Variants in SERAC1 observed in about 807,000 individuals in gnomAD.
SERAC1 encodes the protein protein SERAC1.
Under a neutral mutation model 85.7 loss-of-function variants are expected in SERAC1, and 36 were observed. That is an observed-to-expected ratio of 0.42 (90% CI 0.32 to 0.55). The LOEUF (loss-of-function observed/expected upper bound fraction) is 0.55, where lower values mean the gene tolerates loss of function less well. Among genes scored for constraint, SERAC1 ranks in the 20% least tolerant of loss-of-function variants. SERAC1 has a pLI of 0.11. For missense variants in SERAC1, 629 were observed against 796.2 expected, an observed-to-expected ratio of 0.79 and a Z score of 2.53; for synonymous variants, 242 against 265.3, an observed-to-expected ratio of 0.91 and a Z score of 0.85.
chr6:158,117,974 C>A lies in SERAC1; in HGVS notation c.1309-153G>T, dbSNP rs1784331928. ...GAAGGTACCGTAAAAACAATTCCAGCACTATCTTTTCAAGTCTCTGGTCTC... is the reference window on the plus strand; with the variant it reads ...GAAGGTACCGTAAAAACAATTCCAGAACTATCTTTTCAAGTCTCTGGTCTC... On this transcript the variant is annotated intron_variant, in intron 12 of 16. Transcript: ENST00000647468. This position sits in a 1 kb window ranked among gnomAD's most constrained non-coding sequence, Gnocchi z 4.3. Among the ~76,000 whole-genome samples the A allele has an allele frequency of 6.6e-6, 1 of 152,152 alleles. No homozygotes were observed. The highest frequency in any genetic ancestry group is 1.5e-5 in the Non-Finnish European group (1 of 68,034).
chr6:158,111,636 C>T (rs1471799601), intron 16 of SERAC1, 134 bp from the exon 17 acceptor site: 1 of 614,524 alleles, frequency 1.6e-6, no homozygotes, highest in Non-Finnish European at 2.6e-6. Context: ...GATAAAGGAA[C>T]CTGAAGTTTG....
intron 1 of SERAC1, among the ~76,000 whole-genome samples, chr6:158,159,607 T>C (rs1304367274): frequency 6.6e-6 from 1 of 151,420 alleles, no homozygotes; most frequent in African/African-American, 2.4e-5. Flanking sequence ...TTTCCAAATA[T>C]ATAAAACTTT....
rs1161143666 is a variant in SERAC1, at chr6:158,128,863, T to C, written c.853-593A>G. ...TTGAAGTTTTAATGGAGAAAACAGATAAAAGAAAAAGAAAACATGCATATT... is the reference window on the plus strand; with the variant it reads ...TTGAAGTTTTAATGGAGAAAACAGACAAAAGAAAAAGAAAACATGCATATT... On this transcript the variant is annotated intron_variant, in intron 9 of 16. Transcript: ENST00000647468. Among the ~76,000 whole-genome samples the C allele has an allele frequency of 2.0e-5, 3 of 152,072 alleles. No individual in the cohort carries two copies. The East Asian group carries it at 5.8e-4, about 29-fold the overall frequency.
chr6:158,152,953 A>G (rs1785241871), intron 3 of SERAC1: 2 of 152,160 alleles, frequency 1.3e-5, no homozygotes, highest in African/African-American at 4.8e-5. Flanking sequence ...CTGTATATAT[A>G]CATATACATG....
chr6:158,121,839 G>A (rs991206772), intron 10 of SERAC1, among the ~76,000 whole-genome samples: 3 of 152,020 alleles, frequency 2.0e-5, no homozygotes, highest in African/African-American at 7.2e-5. Context: ...AGCCATCTCT[G>A]GCTTTTTTCA....
chr6:158,117,348 A>G lies in SERAC1; in HGVS notation c.1403+379T>C. ...GGCACAGATGACATACAAGGGAAAT[A>G]GCAGCTGATATTTCTCAGCATCTTT... On this transcript the variant is annotated intron_variant, in intron 13 of 16. Coordinates refer to ENST00000647468, the MANE Select transcript of SERAC1 (RefSeq NM_032861.4). This position sits in a 1 kb window ranked among gnomAD's most constrained non-coding sequence, Gnocchi z 4.3. The G allele has an allele frequency of 1.6e-6, 1 of 644,024 alleles. No individual in the cohort carries two copies. The highest frequency in any genetic ancestry group is 2.1e-5 in the South Asian group (1 of 48,012). 39.9% of individuals were successfully genotyped at this position (644,024 alleles called of 1,614,324 possible).
intron 1 of SERAC1, among the ~76,000 whole-genome samples, chr6:158,164,271 C>G (rs140023307): frequency 1.3e-5 from 2 of 151,572 alleles, no homozygotes; most frequent in Non-Finnish European, 1.5e-5. Flanking sequence ...GTCAGGAGAT[C>G]GAGACCAGCC....
chr6:158,146,915 T>C lies in SERAC1; in HGVS notation c.356-2A>G. 2 of 1,611,716 alleles carry C rather than the reference T, an allele frequency of 1.2e-6. No individual in the cohort carries two copies. Among genetic ancestry groups the C allele is most frequent in the Non-Finnish European group, 1.7e-6 (2 of 1,178,970 alleles). On this transcript the variant is annotated splice_acceptor_variant, in intron 5 of 16. Transcript: ENST00000647468. LOFTEE classifies it high-confidence loss of function. ...CTATATCAACTGTACTAAAAGGATCTTTGCAAAAAGAAAAAGCCAAGACAA... is the reference window on the plus strand; with the variant it reads ...CTATATCAACTGTACTAAAAGGATCCTTGCAAAAAGAAAAAGCCAAGACAA...
intron 14 of SERAC1, among the ~76,000 whole-genome samples, chr6:158,115,957 T>C (rs1270147276): frequency 6.6e-6 from 1 of 152,248 alleles, no homozygotes; most frequent in Non-Finnish European, 1.5e-5. Context: ...CAAACCCATA[T>C]CCCTCTTAGA....
chr6:158,133,640 C>T (rs905899500), intron 8 of SERAC1, among the ~76,000 whole-genome samples: 42 of 152,194 alleles, frequency 2.8e-4, no homozygotes, highest in African/African-American at 9.9e-4. Flanking sequence ...CCGCCTCGGC[C>T]TCCCAAAGTG....
rs142136257 is a variant in SERAC1 at position 158,117,608 on chromosome 6, C to A, written c.1403+119G>T. 1.3e-3 allele frequency: 2,042 copies of A among 1,566,166 alleles called. 25 individuals are homozygous for A. The African/African-American group carries it at 0.024, about 19-fold the overall frequency. ...GAAGACAAAAAAGATTAGGTTTGTTCTTCATAAGAAAATCCTGTCTGTGGC... is the reference window on the plus strand; with the variant it reads ...GAAGACAAAAAAGATTAGGTTTGTTATTCATAAGAAAATCCTGTCTGTGGC... On this transcript the variant is annotated intron_variant, in intron 13 of 16. Coordinates refer to ENST00000647468, the MANE Select transcript of SERAC1 (RefSeq NM_032861.4). This position sits in a 1 kb window ranked among gnomAD's most constrained non-coding sequence, Gnocchi z 4.3.
At chr6:158,123,082 G>GA (rs1381307170) in intron 10 of SERAC1, among the ~76,000 whole-genome samples, 7 of 152,112 alleles carry the variant, frequency 4.6e-5, no homozygotes, top group East Asian at 1.9e-4. Context: ...TGCCTAAAGA[G>GA]AAAAAAACAC....
rs541957474 is a variant in SERAC1, at chr6:158,110,755, T to C, written c.*611A>G. On this transcript the variant is annotated 3_prime_UTR_variant, in exon 17 of 17. Transcript: ENST00000647468. ...GAATTATTATAAGCTAGAATTTTTC[T>C]AAGAAAAAGATTTGTTCTCAGGAAT... 3 of 152,316 alleles carry C rather than the reference T, an allele frequency of 2.0e-5. No homozygotes were observed. Among genetic ancestry groups the C allele is most frequent in the South Asian group, 4.1e-4 (2 of 4,826 alleles). The allele number at this position is 152,316 out of a possible 1,614,324, so 9.4% of individuals were successfully genotyped here. A position where few individuals can be genotyped will look rare whatever the true frequency, so the allele number is the denominator to read the frequency against.
chr6:158,146,398 C>CTTTTTTTTTTTTTTTTT (rs1007942638), intron 6 of SERAC1: 1 of 66,810 alleles, frequency 1.5e-5, no homozygotes, highest in African/African-American at 7.3e-5. Flanking sequence ...ACTCCCTTGT[C>CTTTTTTTTTTTTTTTTT]TTTTTTTTTT....
chr6:158,129,974 G>A (rs1382462876), intron 9 of SERAC1, among the ~76,000 whole-genome samples: 2 of 152,160 alleles, frequency 1.3e-5, no homozygotes, highest in Non-Finnish European at 2.9e-5. Context: ...GGGATTACAG[G>A]CGTGAGCCAC....
chr6:158,144,549 C>G, intron 6 of SERAC1, 129 bp from the exon 7 acceptor site: 1 of 818,972 alleles, frequency 1.2e-6, no homozygotes, highest in Non-Finnish European at 1.9e-6. Flanking sequence ...TCCAAAATTT[C>G]CCAAGTGCAA....
intron 10 of SERAC1, among the ~76,000 whole-genome samples, chr6:158,123,450 C>T (rs1337868515): frequency 6.6e-6 from 1 of 152,082 alleles, no homozygotes; most frequent in South Asian, 2.1e-4. Flanking sequence ...TTTAGGGCTT[C>T]AATTGTCTCA....
intron 5 of SERAC1, among the ~76,000 whole-genome samples, chr6:158,147,185 C>T (rs1785083854): frequency 6.6e-6 from 1 of 152,016 alleles, no homozygotes; most frequent in African/African-American, 2.4e-5. Context: ...GTTACCCAGG[C>T]TGGAGTGCAG....
chr6:158,160,291 T>C (rs1253822896), intron 1 of SERAC1, among the ~76,000 whole-genome samples: 1 of 152,134 alleles, frequency 6.6e-6, no homozygotes, highest in African/African-American at 2.4e-5. Context: ...GCTAGCAATT[T>C]AACAATGAAA....
Sources: allele counts gnomAD v4.1 joint callset (sites outside exome capture counted in the v4.1 genomes callset), GRCh38; gene constraint gnomAD v4.1.1; non-coding constraint Gnocchi (gnomAD v3.1); transcripts MANE v1.5; gene names NCBI Gene and HGNC (gene_info 2026-07-23, HGNC 2026-07-21).